The following WDR43 variants were observed in gnomAD, a reference collection of about 807,000 sequenced individuals.
WDR43 encodes the protein WD repeat domain 43.
In WDR43, 13 loss-of-function variants were observed where a neutral mutation model predicts 91.4. That is an observed-to-expected ratio of 0.14 (90% CI 0.09 to 0.23). The LOEUF (loss-of-function observed/expected upper bound fraction) is 0.23, where lower values mean the gene tolerates loss of function less well. Among genes scored for constraint, WDR43 ranks in the 10% least tolerant of loss-of-function variants. The pLI is 1.00. For synonymous variants in WDR43, 331 were observed against 287.9 expected (o/e 1.15, Z -1.51); for missense variants, 780 against 809.4 (o/e 0.96, Z 0.44).
intron 1 of WDR43, among the ~76,000 whole-genome samples, chr2:28,900,372 CG>C (rs1156744779): frequency 6.6e-6 from 1 of 151,970 alleles, no homozygotes; most frequent in East Asian, 1.9e-4. Context: ...TTAGTAGAGA[CG>C]GGGTTTCACC....
At chr2:28,901,880 C>A in intron 1 of WDR43, 107 bp from the exon 2 acceptor site, 1 of 1,108,692 alleles carries the variant, frequency 9.0e-7, no homozygotes, top group Non-Finnish European at 1.2e-6. Context: ...CTCTCTTCCC[C>A]CCTTTTAAAA....
intron 6 of WDR43, 45 bp downstream of exon 6, chr2:28,918,040 T>G: frequency 6.7e-7 from 1 of 1,486,738 alleles, no homozygotes; most frequent in Non-Finnish European, 9.1e-7. Context: ...GTTTCACAGA[T>G]GTTATTTTTA....
chr2:28,927,866 A>G lies in WDR43; in HGVS notation c.1305+166A>G. 4 of 1,036,168 alleles carry G rather than the reference A, an allele frequency of 3.9e-6. No individual in the cohort carries two copies. The South Asian group carries it at 7.4e-5, about 19-fold the overall frequency. The allele number at this position is 1,036,168 out of a possible 1,614,324, so 64.2% of individuals were successfully genotyped here. A position where few individuals can be genotyped will look rare whatever the true frequency, so the allele number is the denominator to read the frequency against. On this transcript the variant is annotated intron_variant, in intron 10 of 17. Coordinates refer to ENST00000407426, the MANE Select transcript of WDR43 (RefSeq NM_015131.3). ...ACCATCATAGATTTCATAATTCTAG[A>G]TTGTCATCTTTGTTTAACAGAGAAG...
At chr2:28,926,326 T>C in intron 8 of WDR43, 142 bp from the exon 9 acceptor site, 1 of 601,920 alleles carries the variant, frequency 1.7e-6, no homozygotes, top group Non-Finnish European at 2.8e-6. Flanking sequence ...AGTGTGGAAG[T>C]CTTCCATACT....
intron 3 of WDR43, among the ~76,000 whole-genome samples, chr2:28,910,625 CTTTT>C (rs201992552): frequency 6.7e-6 from 1 of 148,782 alleles, no homozygotes; most frequent in African/African-American, 2.5e-5. Context: ...ATTTTTGATA[CTTTT>C]TTCTAGCTTT....
At chr2:28,931,360 G>T (rs1033525393) in intron 11 of WDR43, among the ~76,000 whole-genome samples, 1 of 152,194 alleles carries the variant, frequency 6.6e-6, no homozygotes, top group Non-Finnish European at 1.5e-5. Context: ...GATTACAGGC[G>T]TGAGCCACTG....
intron 1 of WDR43, among the ~76,000 whole-genome samples, chr2:28,900,481 C>T (rs971056195): frequency 6.6e-6 from 1 of 152,188 alleles, no homozygotes; most frequent in African/African-American, 2.4e-5. Flanking sequence ...CACACTCAGC[C>T]TTCTTGGAAT....
At chr2:28,900,338 G>A (rs1347774992) in intron 1 of WDR43, among the ~76,000 whole-genome samples, 2 of 151,892 alleles carry the variant, frequency 1.3e-5, no homozygotes, top group African/African-American at 2.4e-5. Context: ...CCACCACCAC[G>A]CCCGGCTAAT....
rs1184564037 is a variant in WDR43, at chr2:28,902,175, A to G, written c.363+51A>G. 5.3e-6 allele frequency: 8 copies of G among 1,495,514 alleles called. 1 individual carries two copies. The South Asian group carries it at 8.4e-5, about 16-fold the overall frequency. The allele number at this position is 1,495,514 out of a possible 1,614,324, so 92.6% of individuals were successfully genotyped here. ...AAGTGATGTGACAGGGAAGCTGATT[A>G]TTAGAGATTATTAAAAAAAAAACAC... On this transcript the variant is annotated intron_variant, in intron 2 of 17. Coordinates refer to ENST00000407426, the MANE Select transcript of WDR43 (RefSeq NM_015131.3).
chr2:28,918,669 T>C (rs1242463916), intron 6 of WDR43, among the ~76,000 whole-genome samples: 1 of 152,054 alleles, frequency 6.6e-6, no homozygotes, highest in Non-Finnish European at 1.5e-5. Flanking sequence ...ATGCCCAGCC[T>C]ATATATGTAT....
At chr2:28,946,376 G>A (rs780922288) in intron 16 of WDR43, 74 bp from the exon 17 acceptor site, 21 of 1,386,042 alleles carry the variant, frequency 1.5e-5, no homozygotes, top group African/African-American at 2.9e-5. Flanking sequence ...TCAGGAATCT[G>A]GTTCTGCTTA....
In WDR43 at chr2:28,947,013, C is replaced by G; in HGVS notation, c.*234C>G. ...ATATAGACACATTTTCTGCAATGTACTGACATCAGTGTCCAATATATGGTA... is the reference window on the plus strand; with the variant it reads ...ATATAGACACATTTTCTGCAATGTAGTGACATCAGTGTCCAATATATGGTA... On this transcript the variant is annotated 3_prime_UTR_variant, in exon 18 of 18. Coordinates refer to ENST00000407426, the MANE Select transcript of WDR43 (RefSeq NM_015131.3). The G allele has an allele frequency of 2.5e-6, 1 of 397,690 alleles. No homozygotes were observed. The highest frequency in any genetic ancestry group is 4.5e-6 in the Non-Finnish European group (1 of 223,902). The allele number at this position is 397,690 out of a possible 1,614,324, so 24.6% of individuals were successfully genotyped here.
intron 14 of WDR43, among the ~76,000 whole-genome samples, chr2:28,940,777 C>T (rs1047653432): frequency 5.9e-5 from 9 of 152,138 alleles, no homozygotes; most frequent in African/African-American, 2.2e-4. Flanking sequence ...AGGCAAATTA[C>T]CATTGTTTTA....
rs1671462747 is a variant in WDR43 at position 28,942,639 on chromosome 2, C to T, written c.1804+258C>T. ...CTTTTCTTTTTTTTTTTTTTTAAGA[C>T]AGTCTCAGTCTGTTGCCTAGGTTGT... On this transcript the variant is annotated intron_variant, in intron 16 of 17. Coordinates refer to ENST00000407426, the MANE Select transcript of WDR43 (RefSeq NM_015131.3). 8.2e-5 allele frequency among the ~76,000 whole-genome samples: 11 copies of T among 133,456 alleles called. No homozygotes were observed. The Admixed American group carries it at 9.0e-4, about 11-fold the overall frequency. The allele number at this position is 133,456 out of a possible 152,430, so 87.6% of individuals were successfully genotyped here. A position where few individuals can be genotyped will look rare whatever the true frequency, so the allele number is the denominator to read the frequency against.
chr2:28,911,122 AC>A (rs1236950786), intron 3 of WDR43, among the ~76,000 whole-genome samples: 4 of 151,484 alleles, frequency 2.6e-5, no homozygotes, highest in African/African-American at 9.7e-5. Context: ...ACCTTTCTTA[AC>A]CCCAGGATTA....
intron 1 of WDR43, among the ~76,000 whole-genome samples, chr2:28,898,385 A>G (rs568713534): frequency 6.6e-6 from 1 of 152,342 alleles, no homozygotes; most frequent in African/African-American, 2.4e-5. Context: ...GCTAACAGTT[A>G]AACTTCCTAA....
intron 6 of WDR43, among the ~76,000 whole-genome samples, chr2:28,922,588 T>A (rs1297748197): frequency 2.0e-5 from 3 of 152,064 alleles, no homozygotes; most frequent in Non-Finnish European, 4.4e-5. Flanking sequence ...ACAGGCAAAA[T>A]GGCTTTTTCT....
intron 5 of WDR43, 67 bp from the exon 6 acceptor site, chr2:28,917,826 G>A: frequency 7.3e-7 from 1 of 1,379,016 alleles, no homozygotes; most frequent in Non-Finnish European, 1.0e-6. Context: ...GCCTCCTTAG[G>A]TGTTTGCCTT....
At chr2:28,915,632 C>T (rs1670891764) in intron 5 of WDR43, among the ~76,000 whole-genome samples, 1 of 152,100 alleles carries the variant, frequency 6.6e-6, no homozygotes, top group African/African-American at 2.4e-5. Context: ...GAAAAGCTGC[C>T]CAATGAGCTG....
Sources: allele counts gnomAD v4.1 joint callset (sites outside exome capture counted in the v4.1 genomes callset), GRCh38; gene constraint gnomAD v4.1.1; transcripts MANE v1.5; gene names NCBI Gene and HGNC (gene_info 2026-07-23, HGNC 2026-07-21).